GLIS3: variants seen among roughly 807,000 people sequenced by gnomAD.
The protein encoded by GLIS3 is zinc finger protein GLIS3.
GLIS3 carries 53 observed loss-of-function variants against 78.6 expected under a neutral mutation model. The observed-to-expected ratio is 0.67, with a 90% CI of 0.54 to 0.85. The LOEUF (loss-of-function observed/expected upper bound fraction) is 0.85, where lower values mean the gene tolerates loss of function less well. Ranked by LOEUF, GLIS3 falls within the 40% of genes least tolerant of loss-of-function variation. GLIS3 has a pLI of 0.00. For synonymous variants in GLIS3, 684 were observed against 509.9 expected, an observed-to-expected ratio of 1.34 and a Z score of -4.60; for missense variants, 1,703 against 1,231.1, an observed-to-expected ratio of 1.38 and a Z score of -5.74.
At chr9:4,068,834 ATG>A (rs56232754) in intron 4 of GLIS3, among the ~76,000 whole-genome samples, 57,744 of 149,614 alleles carry the variant, frequency 0.39, 11,339 homozygotes, top group East Asian at 0.52. Context: ...GCATGTATGC[ATG>A]TGTGTGTGTG....
At chr9:4,470,230 G>C in the GLIS3 span, among the ~76,000 whole-genome samples, 4 of 152,238 alleles carry the variant, frequency 2.6e-5, no homozygotes, top group South Asian at 6.2e-4. Context: ...TAGAAAAAGA[G>C]GGAATCCTCC....
chr9:3,951,560 C>A (rs899550707), intron 4 of GLIS3, among the ~76,000 whole-genome samples: 2 of 151,790 alleles, frequency 1.3e-5, no homozygotes, highest in Non-Finnish European at 2.9e-5. Flanking sequence ...GAAAAATAGA[C>A]CACTGGCAGC....
At chr9:4,194,612 C>G (rs940416526) in intron 2 of GLIS3, among the ~76,000 whole-genome samples, 1 of 151,980 alleles carries the variant, frequency 6.6e-6, no homozygotes, top group African/African-American at 2.4e-5. Context: ...AAATGGAAGC[C>G]CAGCAGAATC....
At chr9:3,964,969 T>G (rs1359391023) in intron 4 of GLIS3, among the ~76,000 whole-genome samples, 2 of 152,116 alleles carry the variant, frequency 1.3e-5, no homozygotes, top group East Asian at 3.9e-4. Context: ...AACTCTATTC[T>G]AAACTTAGTT....
intron 4 of GLIS3, among the ~76,000 whole-genome samples, chr9:4,028,791 AG>A (rs1823567121): frequency 6.6e-6 from 1 of 152,246 alleles, no homozygotes; most frequent in South Asian, 2.1e-4. Flanking sequence ...GTAGCTAATG[AG>A]CTAAGTCAAA....
At chr9:4,083,471 T>G (rs1414089530) in intron 4 of GLIS3, among the ~76,000 whole-genome samples, 1 of 152,190 alleles carries the variant, frequency 6.6e-6, no homozygotes, top group East Asian at 1.9e-4. Flanking sequence ...ATGTTTGAAG[T>G]GGAGAAGATG....
intron 2 of GLIS3, among the ~76,000 whole-genome samples, chr9:4,186,804 G>A (rs1817841591): frequency 2.0e-5 from 3 of 152,172 alleles, no homozygotes; most frequent in Non-Finnish European, 1.5e-5. Context: ...CTTCTTTTGA[G>A]AAGTGTCTGT....
intron 4 of GLIS3, among the ~76,000 whole-genome samples, chr9:4,017,918 G>C (rs1822570975): frequency 6.6e-6 from 1 of 152,132 alleles, no homozygotes; most frequent in Admixed American, 6.5e-5. Flanking sequence ...AATTGACCAC[G>C]CTGATTGAAA....
intron 1 of GLIS3, among the ~76,000 whole-genome samples, chr9:4,296,036 C>T (rs1199533738): frequency 6.6e-6 from 1 of 152,040 alleles, no homozygotes; most frequent in East Asian, 1.9e-4. Context: ...TCCTGTATTT[C>T]CACCTTATTT....
At chr9:4,449,670 C>T in the GLIS3 span, among the ~76,000 whole-genome samples, 1 of 152,190 alleles carries the variant, frequency 6.6e-6, no homozygotes, top group African/African-American at 2.4e-5. Flanking sequence ...ATTTGCTGCT[C>T]TGCAGCCTCT....
At chr9:4,207,778 G>C (rs1463942251) in intron 2 of GLIS3, among the ~76,000 whole-genome samples, 1 of 152,100 alleles carries the variant, frequency 6.6e-6, no homozygotes, top group Non-Finnish European at 1.5e-5. Context: ...CCTGGCCCTG[G>C]GCTTGCATCC....
intron 4 of GLIS3, among the ~76,000 whole-genome samples, chr9:3,991,915 C>G (rs552200470): frequency 6.6e-6 from 1 of 152,096 alleles, no homozygotes; most frequent in South Asian, 2.1e-4. Context: ...CAGTCTTGAT[C>G]TCCTGACTTC....
intron 4 of GLIS3, among the ~76,000 whole-genome samples, chr9:4,038,762 T>C (rs1824545771): frequency 6.6e-6 from 1 of 152,208 alleles, no homozygotes; most frequent in Non-Finnish European, 1.5e-5. Flanking sequence ...TTTACATCTG[T>C]ACAGCTTCCT....
At chr9:4,312,751 C>G (rs1033096422) in intron 2 of GLIS3, among the ~76,000 whole-genome samples, 5 of 152,208 alleles carry the variant, frequency 3.3e-5, no homozygotes, top group African/African-American at 1.2e-4. Context: ...GGCCTTGGGG[C>G]TGGTGGAGCT....
intron 4 of GLIS3, among the ~76,000 whole-genome samples, chr9:4,088,217 G>A (rs1338163609): frequency 6.6e-6 from 1 of 152,140 alleles, no homozygotes; most frequent in East Asian, 1.9e-4. Context: ...CTTCTATCGG[G>A]GCACCTGCCA....
the GLIS3 span, among the ~76,000 whole-genome samples, chr9:4,423,541 T>C: frequency 5.9e-5 from 9 of 152,128 alleles, no homozygotes; most frequent in East Asian, 3.9e-4. Context: ...ACATCACTTA[T>C]ACCTTATTAA....
chr9:4,023,730 A>G (rs76597430), intron 4 of GLIS3, among the ~76,000 whole-genome samples: 2,346 of 152,338 alleles, frequency 0.015, 31 homozygotes, highest in Non-Finnish European at 0.024. Context: ...AAGAATTAGC[A>G]GCTCTAGGTT....
intron 6 of GLIS3, 30 bp downstream of exon 6, chr9:3,932,330 C>T: frequency 6.6e-7 from 1 of 1,522,992 alleles, no homozygotes; most frequent in Non-Finnish European, 9.1e-7. Flanking sequence ...ACATGCTTTT[C>T]CCGACTGGAA....
chr9:4,037,071 A>G (rs1393289300), intron 4 of GLIS3, among the ~76,000 whole-genome samples: 1 of 151,848 alleles, frequency 6.6e-6, no homozygotes, highest in African/African-American at 2.4e-5. Context: ...AAATCACCCC[A>G]CTCTCTGAGC....
Sources: allele counts gnomAD v4.1 joint callset (sites outside exome capture counted in the v4.1 genomes callset), GRCh38; gene constraint gnomAD v4.1.1; transcripts MANE v1.5; gene names NCBI Gene and HGNC (gene_info 2026-07-23, HGNC 2026-07-21).